MEF2C: variants seen among roughly 807,000 people sequenced by gnomAD.
MEF2C encodes myocyte-specific enhancer factor 2C.
Under a neutral mutation model 50.5 loss-of-function variants are expected in MEF2C, and 6 were observed. The ratio of observed to expected loss-of-function variants is 0.12; its 90% CI spans 0.07 to 0.23. MEF2C has a LOEUF of 0.23. Among genes scored for constraint, MEF2C ranks in the 10% least tolerant of loss-of-function variants. The pLI, the probability that MEF2C is intolerant of heterozygous loss-of-function variation, is 1.00. For missense variants in MEF2C, 276 were observed against 605.0 expected, an observed-to-expected ratio of 0.46 and a Z score of 5.70; for synonymous variants, 183 against 228.0, an observed-to-expected ratio of 0.80 and a Z score of 1.78.
intron 1 of MEF2C, among the ~76,000 whole-genome samples, chr5:88,858,607 T>C (rs765890186): frequency 2.4e-4 from 37 of 152,250 alleles, no homozygotes; most frequent in Non-Finnish European, 4.4e-4. Flanking sequence ...CTTATCCTCA[T>C]TGTGTGCAGA....
At chr5:88,885,922 T>A (rs1461572704), upstream of MEF2C, among the ~76,000 whole-genome samples, 7 of 152,204 alleles carry the variant, frequency 4.6e-5, no homozygotes, top group African/African-American at 4.8e-5. Context: ...AAGAAATTAT[T>A]TTATTTTACC....
chr5:88,901,064 A>T (rs1835602098), intron 1 of MEF2C, among the ~76,000 whole-genome samples: 1 of 152,070 alleles, frequency 6.6e-6, no homozygotes, highest in Non-Finnish European at 1.5e-5. Context: ...TTTAAGGAAA[A>T]TAACTCTATA....
chr5:88,720,197 T>A lies in MEF2C; in HGVS notation c.*2407A>T, dbSNP rs1446574634. 6.6e-6 allele frequency: 1 copy of A among 152,142 alleles called. No homozygotes were observed. Among genetic ancestry groups the A allele is most frequent in the Non-Finnish European group, 1.5e-5 (1 of 67,974 alleles). The allele number at this position is 152,142 out of a possible 1,614,324, so 9.4% of individuals were successfully genotyped here. ...GTCTATGGTGAGGAAAATGATTTTC[T>A]TATTTTATTCCCCTGTGCGTGTGTG... On this transcript the variant is annotated 3_prime_UTR_variant, in exon 11 of 11. Coordinates refer to ENST00000504921, the MANE Select transcript of MEF2C (RefSeq NM_002397.5).
chr5:88,876,977 C>T (rs897406133), intron 1 of MEF2C, among the ~76,000 whole-genome samples: 1 of 151,986 alleles, frequency 6.6e-6, no homozygotes, highest in Non-Finnish European at 1.5e-5. Context: ...GTTAGTTCCT[C>T]CAGCCTCTAA....
intron 3 of MEF2C, among the ~76,000 whole-genome samples, chr5:88,784,902 A>G (rs1790074095): frequency 6.6e-6 from 1 of 152,124 alleles, no homozygotes; most frequent in Non-Finnish European, 1.5e-5. Flanking sequence ...CCACACAGAC[A>G]CAATTACACC....
intron 1 of MEF2C, among the ~76,000 whole-genome samples, chr5:88,833,658 G>A (rs1321903800): frequency 6.6e-6 from 1 of 152,066 alleles, no homozygotes; most frequent in African/African-American, 2.4e-5. Context: ...TTAGAAAAAG[G>A]CTTCATAAAG....
At chr5:88,739,054 GCTTA>G (rs919376254) in intron 6 of MEF2C, 262 of 983,254 alleles carry the variant, frequency 2.7e-4, no homozygotes, top group Middle Eastern at 1.6e-3. Context: ...TGGTAATGAT[GCTTA>G]CTTACTTACT....
At chr5:88,890,791 A>G (rs1399399125) in intron 1 of MEF2C, among the ~76,000 whole-genome samples, 3 of 152,262 alleles carry the variant, frequency 2.0e-5, no homozygotes, top group African/African-American at 7.2e-5. Context: ...TCCTGCTGAA[A>G]GAGACCTTGG....
In MEF2C at chr5:88,814,389, T is replaced by C. The variant is rs1185199414; in HGVS notation, c.54+9346A>G. 2.0e-5 allele frequency among the ~76,000 whole-genome samples: 3 copies of C among 152,000 alleles called. No individual in the cohort carries two copies. The East Asian group carries it at 5.8e-4, about 30-fold the overall frequency. Reference sequence around the variant, plus strand: ...CTGCCATCGTAAATGAAAGGCTCTTTAAAGAGCAGCGAGGGACTCTTTTAA... The same window carrying C: ...CTGCCATCGTAAATGAAAGGCTCTTCAAAGAGCAGCGAGGGACTCTTTTAA... On this transcript the variant is annotated intron_variant, in intron 2 of 10. Coordinates refer to ENST00000504921, the MANE Select transcript of MEF2C (RefSeq NM_002397.5).
intron 1 of MEF2C, among the ~76,000 whole-genome samples, chr5:88,863,038 G>A (rs2153428138): frequency 6.6e-6 from 1 of 152,276 alleles, no homozygotes. Flanking sequence ...CTTCCAGAGG[G>A]CAGACTAGCC....
chr5:88,838,527 T>C, intron 1 of MEF2C: 4 of 981,700 alleles, frequency 4.1e-6, no homozygotes, highest in Non-Finnish European at 4.8e-6. Flanking sequence ...GAGAGTCATT[T>C]TCACTTATGA....
intron 1 of MEF2C, chr5:88,824,240 G>T: frequency 2.1e-6 from 2 of 964,684 alleles, no homozygotes; most frequent in Non-Finnish European, 2.4e-6. Flanking sequence ...TCTTTTTAAT[G>T]AAATTAGGTG....
At chr5:88,742,006 T>C (rs1034903403) in intron 6 of MEF2C, 1 of 985,354 alleles carries the variant, frequency 1.0e-6, no homozygotes, top group Non-Finnish European at 1.2e-6. Context: ...ATTCTTTGGA[T>C]TGAAATTCAA....
intron 1 of MEF2C, among the ~76,000 whole-genome samples, chr5:88,871,861 G>T (rs1192058972): frequency 6.6e-6 from 1 of 151,912 alleles, no homozygotes; most frequent in African/African-American, 2.4e-5. Context: ...TCTCAAAGTT[G>T]ATAAGCTGTG....
At chr5:88,746,908 A>G (rs893378572) in intron 6 of MEF2C, among the ~76,000 whole-genome samples, 1 of 152,240 alleles carries the variant, frequency 6.6e-6, no homozygotes, top group Non-Finnish European at 1.5e-5. Flanking sequence ...TGTGAAAACT[A>G]CATGCTCGTA....
chr5:88,832,596 G>A (rs1813493386), intron 1 of MEF2C, among the ~76,000 whole-genome samples: 3 of 152,112 alleles, frequency 2.0e-5, no homozygotes, highest in African/African-American at 7.2e-5. Context: ...ATGAGGAGGA[G>A]TAGCTCCTAT....
At chr5:88,864,599 T>C (rs1364596363) in intron 1 of MEF2C, among the ~76,000 whole-genome samples, 1 of 151,384 alleles carries the variant, frequency 6.6e-6, no homozygotes, top group African/African-American at 2.4e-5. Flanking sequence ...TATATGTATA[T>C]TTATATATTT....
chr5:88,837,256 A>G (rs746514923), intron 1 of MEF2C, among the ~76,000 whole-genome samples: 1 of 152,208 alleles, frequency 6.6e-6, no homozygotes, highest in African/African-American at 2.4e-5. Flanking sequence ...TGGCACAAGG[A>G]AAATACAATA....
chr5:88,752,993 G>A (rs1773547908), intron 4 of MEF2C, among the ~76,000 whole-genome samples: 1 of 152,162 alleles, frequency 6.6e-6, no homozygotes, highest in Non-Finnish European at 1.5e-5. Context: ...ATATGGAATA[G>A]GATTTATAGA....
Sources: allele counts gnomAD v4.1 joint callset (sites outside exome capture counted in the v4.1 genomes callset), GRCh38; gene constraint gnomAD v4.1.1; transcripts MANE v1.5; gene names NCBI Gene and HGNC (gene_info 2026-07-23, HGNC 2026-07-21).